Variants in PCCA observed in about 807,000 individuals in gnomAD.
The protein encoded by PCCA is propionyl-CoA carboxylase subunit alpha.
Under a neutral mutation model 101.3 loss-of-function variants are expected in PCCA, and 74 were observed. The ratio of observed to expected loss-of-function variants is 0.73; its 90% CI spans 0.61 to 0.89. The LOEUF (loss-of-function observed/expected upper bound fraction) is 0.89. Among genes scored for constraint, PCCA ranks in the 40% least tolerant of loss-of-function variants. PCCA has a pLI of 0.00. For synonymous variants in PCCA, 294 were observed against 313.6 expected, an observed-to-expected ratio of 0.94 and a Z score of 0.66; for missense variants, 891 against 907.0, an observed-to-expected ratio of 0.98 and a Z score of 0.23.
At chr13:100,348,783 TCTTTCTTCCTTCCTTCCTTC>T (rs1215782642) in intron 18 of PCCA, among the ~76,000 whole-genome samples, 75 of 55,392 alleles carry the variant, frequency 1.4e-3, no homozygotes, top group Non-Finnish European at 2.1e-3. Context: ...TTTCTTTCTT[TCTTTCTTCCTTCCTTCCTTC>T]CTTCCTTCCT....
intron 18 of PCCA, among the ~76,000 whole-genome samples, chr13:100,348,727 C>CCTTTCTTT (rs139583993): frequency 4.8e-4 from 48 of 99,578 alleles, no homozygotes; most frequent in East Asian, 3.1e-3. Context: ...CGTTTTTTTT[C>CCTTTCTTT]CTTTCTTTCT....
chr13:100,093,375 CAA>C (rs1255443835), intron 1 of PCCA, among the ~76,000 whole-genome samples: 4 of 152,202 alleles, frequency 2.6e-5, no homozygotes, highest in South Asian at 2.1e-4. Flanking sequence ...GAAGAAGAGA[CAA>C]GAGGAGTTAG....
intron 12 of PCCA, among the ~76,000 whole-genome samples, chr13:100,281,352 CATG>C (rs751259098): frequency 2.6e-5 from 4 of 152,134 alleles, no homozygotes; most frequent in Non-Finnish European, 4.4e-5. Context: ...GGCCACAGTG[CATG>C]ATAAGTGCTT....
chr13:100,449,557 G>C (rs569753847), intron 21 of PCCA, among the ~76,000 whole-genome samples: 350 of 152,312 alleles, frequency 2.3e-3, no homozygotes, highest in African/African-American at 8.2e-3. Flanking sequence ...CACAATCTCA[G>C]CTCACTGCAA....
rs189992801 is a variant in PCCA at position 100,338,377 on chromosome 13, C to G, written c.1541-1780C>G. Among the ~76,000 whole-genome samples the G allele has an allele frequency of 3.9e-5, 6 of 152,178 alleles. No individual in the cohort carries two copies. The East Asian group carries it at 1.2e-3, about 29-fold the overall frequency. Reference sequence around the variant, plus strand: ...GCATGAGAGCAGTGATGTCATCACACAATATGTGTCCCTTGGATCTGGGAA... The same window carrying G: ...GCATGAGAGCAGTGATGTCATCACAGAATATGTGTCCCTTGGATCTGGGAA... On this transcript the variant is annotated intron_variant, in intron 17 of 23. Coordinates refer to ENST00000376285, the MANE Select transcript of PCCA (RefSeq NM_000282.4).
At chr13:100,498,776 C>T (rs73566613) in intron 21 of PCCA, among the ~76,000 whole-genome samples, 1 of 152,076 alleles carries the variant, frequency 6.6e-6, no homozygotes, top group South Asian at 2.1e-4. Context: ...TAGGTTTATT[C>T]CACTACCAAC....
chr13:100,302,463 A>G (rs1479601553), intron 13 of PCCA, among the ~76,000 whole-genome samples: 2 of 151,908 alleles, frequency 1.3e-5, no homozygotes, highest in Non-Finnish European at 2.9e-5. Context: ...AATGAAGTGC[A>G]TATCTAGTAG....
intron 21 of PCCA, among the ~76,000 whole-genome samples, chr13:100,464,111 A>AG (rs767176700): frequency 2.0e-5 from 3 of 152,346 alleles, no homozygotes; most frequent in South Asian, 2.1e-4. Flanking sequence ...AGTGGTAAAA[A>AG]TTAGACATGG....
At chr13:100,246,903 T>G (rs943541983) in intron 8 of PCCA, among the ~76,000 whole-genome samples, 13 of 121,786 alleles carry the variant, frequency 1.1e-4, no homozygotes, top group African/African-American at 4.9e-4. Flanking sequence ...TTCTAGTGAG[T>G]TTTTTTTTTT....
intron 19 of PCCA, among the ~76,000 whole-genome samples, chr13:100,391,703 A>G (rs1413456926): frequency 3.3e-5 from 5 of 152,178 alleles, no homozygotes; most frequent in African/African-American, 9.7e-5. Flanking sequence ...CTTTTATAGG[A>G]GCAGTTTATA....
intron 21 of PCCA, among the ~76,000 whole-genome samples, chr13:100,488,388 C>A (rs927145479): frequency 6.6e-6 from 1 of 152,108 alleles, no homozygotes; most frequent in Non-Finnish European, 1.5e-5. Context: ...GCCGGCCGAC[C>A]CTATATATTT....
intron 22 of PCCA, among the ~76,000 whole-genome samples, chr13:100,521,433 G>A (rs2153002782): frequency 6.6e-6 from 1 of 152,344 alleles, no homozygotes. Context: ...GGGCTGGGCG[G>A]CGTCTCCTGC....
At chr13:100,522,923 T>C (rs1008645479) in intron 22 of PCCA, among the ~76,000 whole-genome samples, 1 of 152,244 alleles carries the variant, frequency 6.6e-6, no homozygotes, top group African/African-American at 2.4e-5. Context: ...TCAAATAACA[T>C]TAGTGAGCTA....
chr13:100,225,811 C>T (rs751674293), intron 7 of PCCA, among the ~76,000 whole-genome samples: 13 of 151,580 alleles, frequency 8.6e-5, no homozygotes, highest in Non-Finnish European at 1.3e-4. Flanking sequence ...TTCTTTGAGA[C>T]GAAGAGTGTC....
intron 9 of PCCA, among the ~76,000 whole-genome samples, chr13:100,258,391 A>G (rs1006000012): frequency 6.6e-6 from 1 of 152,216 alleles, no homozygotes; most frequent in Non-Finnish European, 1.5e-5. Context: ...GGAAAAGACA[A>G]TCTGCCACAG....
intron 19 of PCCA, among the ~76,000 whole-genome samples, chr13:100,371,220 A>G (rs1226897436): frequency 6.6e-6 from 1 of 152,188 alleles, no homozygotes; most frequent in African/African-American, 2.4e-5. Context: ...AGATGTATAC[A>G]CCACAATAAT....
chr13:100,350,013 T>C lies in PCCA; in HGVS notation c.1643+9754T>C, dbSNP rs74599229. ...TCTTTGCCTTTCCTGGTTTCAGATATAGAATTTATTCACCTGTTATTAAAT... is the reference window on the plus strand; with the variant it reads ...TCTTTGCCTTTCCTGGTTTCAGATACAGAATTTATTCACCTGTTATTAAAT... On this transcript the variant is annotated intron_variant, in intron 18 of 23. Transcript: ENST00000376285. Among the ~76,000 whole-genome samples the C allele has an allele frequency of 5.4e-3, 823 of 152,322 alleles. 12 individuals are homozygous for C. Among genetic ancestry groups the C allele is most frequent in the African/African-American group, 0.019 (799 of 41,556 alleles).
At chr13:100,147,022 A>T (rs1566575785) in intron 4 of PCCA, among the ~76,000 whole-genome samples, 1 of 151,944 alleles carries the variant, frequency 6.6e-6, no homozygotes, top group East Asian at 1.9e-4. Context: ...AAAAAAAAAA[A>T]AACTGAGTGA....
chr13:100,171,909 G>C (rs1317879501), intron 6 of PCCA, among the ~76,000 whole-genome samples: 1 of 151,952 alleles, frequency 6.6e-6, no homozygotes, highest in Non-Finnish European at 1.5e-5. Context: ...GCAGGCACCT[G>C]TAGTCCCAGC....
Sources: gnomAD v4.1 joint callset for allele counts (sites outside exome capture counted in the v4.1 genomes callset) on GRCh38, gnomAD v4.1.1 for gene constraint, MANE v1.5 for transcripts, NCBI Gene and HGNC (gene_info 2026-07-23, HGNC 2026-07-21) for gene names.